Variants in MBTD1 observed in about 807,000 individuals in gnomAD.
The protein encoded by MBTD1 is MBT domain-containing protein 1.
Under a neutral mutation model 87.8 loss-of-function variants are expected in MBTD1, and 24 were observed. The observed-to-expected ratio is 0.27, with a 90% CI of 0.20 to 0.38. MBTD1 has a LOEUF of 0.38. Among genes scored for constraint, MBTD1 ranks in the 10% least tolerant of loss-of-function variants. The probability of loss-of-function intolerance (pLI) is 1.00; values close to 1 mark genes in which losing one functional copy is unlikely to be tolerated. For synonymous variants in MBTD1, 237 were observed against 248.6 expected, an observed-to-expected ratio of 0.95 and a Z score of 0.44; for missense variants, 436 against 760.2, an observed-to-expected ratio of 0.57 and a Z score of 5.02.
intron 2 of MBTD1, among the ~76,000 whole-genome samples, chr17:51,235,073 A>G (rs958474574): frequency 6.6e-6 from 1 of 152,148 alleles, no homozygotes; most frequent in Non-Finnish European, 1.5e-5. Flanking sequence ...TATCACTTTG[A>G]TCCCCAAACC....
chr17:51,232,705 T>C (rs1028432067), intron 2 of MBTD1, among the ~76,000 whole-genome samples: 1 of 151,836 alleles, frequency 6.6e-6, no homozygotes, highest in Non-Finnish European at 1.5e-5. Context: ...AGAAAGGCAA[T>C]GTTGAATTAG....
At chr17:51,212,000 C>T (rs959301684) in intron 6 of MBTD1, among the ~76,000 whole-genome samples, 2 of 152,042 alleles carry the variant, frequency 1.3e-5, no homozygotes, top group Admixed American at 6.6e-5. Context: ...ACATATAGGT[C>T]AGGCAAAAGA....
intron 6 of MBTD1, among the ~76,000 whole-genome samples, chr17:51,208,008 C>G (rs117815950): frequency 1.3e-5 from 2 of 152,232 alleles, no homozygotes; most frequent in Non-Finnish European, 2.9e-5. Context: ...ACCAAAATAG[C>G]CTCAAAGCTC....
intron 7 of MBTD1, 39 bp from the exon 8 acceptor site, chr17:51,203,964 AAAATT>A (rs1186069968): frequency 6.7e-7 from 1 of 1,489,500 alleles, no homozygotes; most frequent in Non-Finnish European, 9.2e-7. Flanking sequence ...ATAAGAAAAT[AAAATT>A]AAATAAAACA....
At chr17:51,181,570 T>C (rs1033309088) in intron 16 of MBTD1, among the ~76,000 whole-genome samples, 1 of 152,164 alleles carries the variant, frequency 6.6e-6, no homozygotes, top group Non-Finnish European at 1.5e-5. Flanking sequence ...GGCAGAAGGA[T>C]TGCTGGAGCC....
At chr17:51,235,680 C>T (rs1239116730) in intron 2 of MBTD1, among the ~76,000 whole-genome samples, 9 of 152,116 alleles carry the variant, frequency 5.9e-5, no homozygotes, top group African/African-American at 1.4e-4. Context: ...ACTAGGAAGA[C>T]GTACTATGTT....
At chr17:51,241,486 C>T (rs1051037170) in intron 2 of MBTD1, among the ~76,000 whole-genome samples, 1 of 152,176 alleles carries the variant, frequency 6.6e-6, no homozygotes, top group African/African-American at 2.4e-5. Context: ...GCACGTTCAC[C>T]AGTCAGCATT....
chr17:51,231,434 TGTTA>T (rs990586656), intron 2 of MBTD1, among the ~76,000 whole-genome samples: 3 of 103,608 alleles, frequency 2.9e-5, no homozygotes, highest in Non-Finnish European at 5.8e-5. Context: ...AATTACAAGC[TGTTA>T]GTATTTTTTT....
intron 2 of MBTD1, among the ~76,000 whole-genome samples, chr17:51,236,037 G>A (rs1360079489): frequency 6.6e-6 from 1 of 151,772 alleles, no homozygotes; most frequent in Admixed American, 6.6e-5. Flanking sequence ...CTATTTATGG[G>A]TATATATGGG....
chr17:51,221,176 T>C (rs999342900), intron 3 of MBTD1, among the ~76,000 whole-genome samples: 3 of 152,146 alleles, frequency 2.0e-5, no homozygotes, highest in Non-Finnish European at 4.4e-5. Context: ...CACACACCTG[T>C]AGTCCCAGCT....
intron 2 of MBTD1, among the ~76,000 whole-genome samples, chr17:51,253,037 T>G (rs1426815525): frequency 6.6e-6 from 1 of 152,090 alleles, no homozygotes; most frequent in African/African-American, 2.4e-5. Flanking sequence ...TTTGGAATAC[T>G]TTTAGCATTG....
At chr17:51,218,173 ACT>A (rs1307297164) in intron 5 of MBTD1, among the ~76,000 whole-genome samples, 3 of 151,088 alleles carry the variant, frequency 2.0e-5, no homozygotes, top group Non-Finnish European at 4.4e-5. Context: ...CTCACTATTT[ACT>A]CTCTTATTGC....
At chr17:51,236,162 T>C (rs2053825797) in intron 2 of MBTD1, among the ~76,000 whole-genome samples, 1 of 152,210 alleles carries the variant, frequency 6.6e-6, no homozygotes, top group African/African-American at 2.4e-5. Context: ...TATATATCTA[T>C]AGATTCACAT....
rs1456608946 is a variant in MBTD1, at chr17:51,179,780, A to C, written c.*796T>G. The C allele has an allele frequency of 1.3e-5, 2 of 151,656 alleles. No individual in the cohort carries two copies. Among genetic ancestry groups the C allele is most frequent in the East Asian group, 3.9e-4 (2 of 5,162 alleles). 9.4% of individuals were successfully genotyped at this position (151,656 alleles called of 1,614,324 possible). A position where few individuals can be genotyped will look rare whatever the true frequency, so the allele number is the denominator to read the frequency against. ...CCTTTCGTGGGGTATTTTTTTTAGA[A>C]AGGAAAATAAACTAAGGACAACATT... On this transcript the variant is annotated 3_prime_UTR_variant, in exon 17 of 17. Transcript: ENST00000586178.
chr17:51,207,309 T>A (rs2143264721), intron 6 of MBTD1, among the ~76,000 whole-genome samples: 1 of 152,310 alleles, frequency 6.6e-6, no homozygotes. Context: ...TTTAATAGGA[T>A]TAAACTGATT....
chr17:51,215,026 A>G (rs1173309510), intron 6 of MBTD1, among the ~76,000 whole-genome samples: 1 of 152,258 alleles, frequency 6.6e-6, no homozygotes, highest in Non-Finnish European at 1.5e-5. Context: ...CTTCAAATGA[A>G]TATGCCAGTT....
intron 5 of MBTD1, among the ~76,000 whole-genome samples, chr17:51,218,121 T>C (rs2052676079): frequency 6.6e-6 from 1 of 152,152 alleles, no homozygotes; most frequent in South Asian, 2.1e-4. Context: ...TACTTCTATT[T>C]ACTCACTTAT....
chr17:51,259,133 G>T lies in MBTD1; in HGVS notation c.-49+10C>A. 1 of 555,786 alleles carries T rather than the reference G, an allele frequency of 1.8e-6. No homozygotes were observed. The highest frequency in any genetic ancestry group is 9.2e-5 in the South Asian group (1 of 10,840). The allele number at this position is 555,786 out of a possible 1,614,324, so 34.4% of individuals were successfully genotyped here. On this transcript the variant is annotated intron_variant, in intron 2 of 16. Transcript: ENST00000586178. ...CTTTTAGGGGTGTAAGCAGGGTTCA[G>T]ACTACCTACCACTTGTCAGAGAGGC...
At chr17:51,250,004 CCTACTT>C (rs1487625388) in intron 2 of MBTD1, 2 of 152,208 alleles carry the variant, frequency 1.3e-5, no homozygotes, top group African/African-American at 4.8e-5. Context: ...AAATGATCCT[CCTACTT>C]CAGCCTCCTG....
Sources: gnomAD v4.1 joint callset for allele counts (sites outside exome capture counted in the v4.1 genomes callset) on GRCh38, gnomAD v4.1.1 for gene constraint, MANE v1.5 for transcripts, NCBI Gene and HGNC (gene_info 2026-07-23, HGNC 2026-07-21) for gene names.